NREP: variants seen among roughly 807,000 people sequenced by gnomAD.
NREP encodes neuronal regeneration related protein, also known as neuronal regeneration-related protein.
NREP carries 5 observed loss-of-function variants against 8.6 expected under a neutral mutation model. The ratio of observed to expected loss-of-function variants is 0.58; its 90% CI spans 0.30 to 1.22. The LOEUF (loss-of-function observed/expected upper bound fraction) is 1.22. Among genes scored for constraint, NREP ranks in the 50% most tolerant of loss-of-function variants. NREP has a pLI of 0.07. For missense variants in NREP, 86 were observed against 82.5 expected (o/e 1.04, Z -0.17); for synonymous variants, 27 against 28.0 (o/e 0.96, Z 0.11).
chr5:111,918,440 T>A (rs1237604634), intron 2 of NREP, among the ~76,000 whole-genome samples: 3 of 152,200 alleles, frequency 2.0e-5, no homozygotes, highest in African/African-American at 7.2e-5. Flanking sequence ...GGCATCATGC[T>A]ACCTGACTTC....
intron 2 of NREP, among the ~76,000 whole-genome samples, chr5:111,950,705 A>AT (rs1018385555): frequency 6.6e-6 from 1 of 151,972 alleles, no homozygotes. Flanking sequence ...ACAAGAAAAA[A>AT]AAAAAAAACC....
intron 2 of NREP, among the ~76,000 whole-genome samples, chr5:111,817,270 TATTGTGTTATTGC>T (rs1752404362): frequency 6.6e-6 from 1 of 152,208 alleles, no homozygotes; most frequent in Non-Finnish European, 1.5e-5. Flanking sequence ...TTATTAATTT[TATTGTGTTATTGC>T]ACTGGACGGA....
chr5:111,934,035 C>T (rs1168270166), intron 2 of NREP, among the ~76,000 whole-genome samples: 1 of 151,982 alleles, frequency 6.6e-6, no homozygotes, highest in Non-Finnish European at 1.5e-5. Flanking sequence ...CTTTTGGGGA[C>T]AGAAAGCAGA....
chr5:111,935,594 C>A (rs1238771658), intron 2 of NREP, among the ~76,000 whole-genome samples: 1 of 151,874 alleles, frequency 6.6e-6, no homozygotes, highest in Non-Finnish European at 1.5e-5. Flanking sequence ...TCCACTTTTC[C>A]AATAAGAATA....
At position 111,895,252 on chromosome 5, in the gene NREP, G is replaced by A. The variant is rs13156360; in HGVS notation, c.135+80022C>T. The stretch of plus-strand genomic sequence containing the variant: ...GAGTGGGGCTCAGGAATTGATGGTA[G>A]TGAAAAATGAGTGAGGCTTCTAGAG... On this transcript the variant is annotated intron_variant, in intron 2 of 3. Coordinates refer to the NREP transcript ENST00000395634. Among the ~76,000 whole-genome samples, 484 of 152,278 alleles carry A rather than the reference G, an allele frequency of 3.2e-3. 2 individuals carry two copies. The highest frequency in any genetic ancestry group is 6.8e-3 in the Middle Eastern group (2 of 294).
chr5:111,771,946 T>G lies in NREP; in HGVS notation c.136-36439A>C, dbSNP rs535470319. On this transcript the variant is annotated intron_variant, in intron 2 of 3. Transcript: ENST00000395634. The stretch of plus-strand genomic sequence containing the variant: ...AAAAAACTGTGATTATAGAATGATT[T>G]TTTTAAAAATCCATTAAAAACACTT... Among the ~76,000 whole-genome samples the G allele has an allele frequency of 2.4e-4, 37 of 152,272 alleles. No individual in the cohort carries two copies. The South Asian group carries it at 7.3e-3, about 30-fold the overall frequency.
intron 2 of NREP, among the ~76,000 whole-genome samples, chr5:111,933,947 G>A (rs1276756185): frequency 6.6e-6 from 1 of 152,074 alleles, no homozygotes; most frequent in Non-Finnish European, 1.5e-5. Context: ...GCGAGGTTTG[G>A]TATAAAGAAG....
At chr5:111,877,806 T>C (rs1177977760) in intron 2 of NREP, among the ~76,000 whole-genome samples, 1 of 145,120 alleles carries the variant, frequency 6.9e-6, no homozygotes, top group African/African-American at 2.8e-5. Flanking sequence ...CTAATTGAAC[T>C]CTCAGGGAAG....
In NREP at chr5:111,969,148, A is replaced by G. The variant is rs971590442; in HGVS notation, c.135+6126T>C. 9.2e-5 allele frequency among the ~76,000 whole-genome samples: 14 copies of G among 152,228 alleles called. 1 individual carries two copies. The highest frequency in any genetic ancestry group is 5.2e-4 in the Admixed American group (8 of 15,286). On this transcript the variant is annotated intron_variant, in intron 2 of 3. Coordinates refer to the NREP transcript ENST00000395634. ...TTAATGGAAGATTGCCAGCCTAAAA[A>G]TGTTTCTAATGGTGGAACACAGAAT...
At chr5:111,830,251 C>G (rs368682492) in intron 2 of NREP, among the ~76,000 whole-genome samples, 1 of 152,112 alleles carries the variant, frequency 6.6e-6, no homozygotes, top group African/African-American at 2.4e-5. Context: ...CCCTAAAGAT[C>G]GGACACTCCT....
intron 2 of NREP, among the ~76,000 whole-genome samples, chr5:111,897,699 A>G (rs923240182): frequency 6.6e-6 from 1 of 152,148 alleles, no homozygotes; most frequent in Non-Finnish European, 1.5e-5. Context: ...TTCCATGCTT[A>G]ATGGGTTCTT....
chr5:111,961,188 C>G (rs1416551665), intron 2 of NREP, among the ~76,000 whole-genome samples: 2 of 152,208 alleles, frequency 1.3e-5, no homozygotes, highest in Admixed American at 1.3e-4. Context: ...CCCTGGCTGT[C>G]AGTCCACTGA....
intron 2 of NREP, among the ~76,000 whole-genome samples, chr5:111,883,992 A>T (rs1428037499): frequency 6.6e-6 from 1 of 152,142 alleles, no homozygotes; most frequent in Non-Finnish European, 1.5e-5. Context: ...ACTGAAGGAA[A>T]TAGAGACACA....
chr5:111,864,285 T>A (rs1157655402), intron 2 of NREP, among the ~76,000 whole-genome samples: 1 of 152,172 alleles, frequency 6.6e-6, no homozygotes, highest in Admixed American at 6.6e-5. Flanking sequence ...AAGATGGAAA[T>A]ACTTTTAATG....
chr5:111,735,366 TA>T (rs1749006684), intron 3 of NREP, 63 bp downstream of exon 3: 1 of 1,150,436 alleles, frequency 8.7e-7, no homozygotes, highest in Non-Finnish European at 1.3e-6. Context: ...AAAGCTCTGA[TA>T]TTTTAAAACA....
chr5:111,969,269 G>T (rs1337652314), intron 2 of NREP, among the ~76,000 whole-genome samples: 1 of 152,144 alleles, frequency 6.6e-6, no homozygotes, highest in Non-Finnish European at 1.5e-5. Context: ...TACACTGAAA[G>T]GGAGAAACAG....
intron 2 of NREP, among the ~76,000 whole-genome samples, chr5:111,900,700 T>G (rs1027820296): frequency 2.6e-5 from 4 of 151,626 alleles, no homozygotes; most frequent in Admixed American, 2.6e-4. Flanking sequence ...ACCACCAACA[T>G]TAAACCAGGA....
chr5:111,769,680 A>G (rs1290627806), intron 2 of NREP, among the ~76,000 whole-genome samples: 1 of 152,250 alleles, frequency 6.6e-6, no homozygotes, highest in African/African-American at 2.4e-5. Flanking sequence ...CAGAAAACTT[A>G]CAATTATAGC....
intron 2 of NREP, among the ~76,000 whole-genome samples, chr5:111,905,220 T>C (rs1344293624): frequency 6.6e-6 from 1 of 152,138 alleles, no homozygotes; most frequent in Non-Finnish European, 1.5e-5. Flanking sequence ...TTCCATTCAT[T>C]TGGGTAAGTA....
Sources: gnomAD v4.1 joint callset for allele counts (sites outside exome capture counted in the v4.1 genomes callset) on GRCh38, gnomAD v4.1.1 for gene constraint, MANE v1.5 for transcripts, NCBI Gene and HGNC (gene_info 2026-07-23, HGNC 2026-07-21) for gene names.